The following SATB2 variants were observed in gnomAD, a reference collection of about 807,000 sequenced individuals.
The protein encoded by SATB2 is SATB homeobox 2.
In SATB2, 1 loss-of-function variant was observed where a neutral mutation model predicts 73.4. The observed-to-expected ratio is 0.01, with a 90% CI of 0.00 to 0.06. The LOEUF (loss-of-function observed/expected upper bound fraction) is 0.06, where lower values mean the gene tolerates loss of function less well. SATB2 is among the 10% of genes least tolerant of loss of function. The probability of loss-of-function intolerance (pLI) is 1.00; values close to 1 mark genes in which losing one functional copy is unlikely to be tolerated. For missense variants in SATB2, 459 were observed against 945.8 expected, an observed-to-expected ratio of 0.49 and a Z score of 6.75; for synonymous variants, 397 against 367.0, an observed-to-expected ratio of 1.08 and a Z score of -0.93.
chr2:199,383,363 C>A (rs1689833635), intron 3 of SATB2, among the ~76,000 whole-genome samples: 1 of 152,186 alleles, frequency 6.6e-6, no homozygotes, highest in African/African-American at 2.4e-5. Context: ...ACATCCAGGG[C>A]CCACTGGACA....
At chr2:199,356,265 A>T (rs1688983569) in intron 6 of SATB2, among the ~76,000 whole-genome samples, 2 of 151,396 alleles carry the variant, frequency 1.3e-5, no homozygotes, top group Admixed American at 1.3e-4. Flanking sequence ...AGAAAAGACG[A>T]CGGCAGAATT....
intron 3 of SATB2, among the ~76,000 whole-genome samples, chr2:199,418,537 T>C (rs1475787697): frequency 1.3e-5 from 2 of 152,360 alleles, no homozygotes; most frequent in Non-Finnish European, 2.9e-5. Context: ...ATTAGTTTAT[T>C]AGTTTTATTT....
chr2:199,466,486 C>T (rs74451843), upstream of SATB2, among the ~76,000 whole-genome samples: 465 of 152,304 alleles, frequency 3.1e-3, 3 homozygotes, highest in Non-Finnish European at 5.3e-3. Context: ...TGAGAGAGTA[C>T]TTGTCCTCCC....
intron 3 of SATB2, among the ~76,000 whole-genome samples, chr2:199,402,652 G>C (rs1690518636): frequency 6.6e-6 from 1 of 152,158 alleles, no homozygotes; most frequent in African/African-American, 2.4e-5. Context: ...AGTTTCAAAG[G>C]TACTAATAAT....
intron 5 of SATB2, among the ~76,000 whole-genome samples, chr2:199,375,199 G>C (rs1277081004): frequency 6.6e-6 from 1 of 152,074 alleles, no homozygotes; most frequent in Admixed American, 6.6e-5. Context: ...GCAATCATAA[G>C]GTTTTCAAAT....
At chr2:199,417,036 T>TCTCA (rs1416951890) in intron 3 of SATB2, among the ~76,000 whole-genome samples, 40 of 144,272 alleles carry the variant, frequency 2.8e-4, no homozygotes, top group Non-Finnish European at 3.0e-4. Flanking sequence ...ACTCCGTCTC[T>TCTCA]CACACACACA....
intron 2 of SATB2, among the ~76,000 whole-genome samples, chr2:199,439,667 C>A (rs1262253741): frequency 6.6e-6 from 1 of 152,128 alleles, no homozygotes; most frequent in Non-Finnish European, 1.5e-5. Flanking sequence ...CAACGATTTA[C>A]TTGTTCTATA....
chr2:199,384,040 C>T (rs1689857544), intron 3 of SATB2, among the ~76,000 whole-genome samples: 1 of 152,022 alleles, frequency 6.6e-6, no homozygotes, highest in Non-Finnish European at 1.5e-5. Context: ...GTAAATTATA[C>T]CTCAATTTTT....
chr2:199,350,479 T>A (rs924340454), intron 6 of SATB2, among the ~76,000 whole-genome samples: 1 of 152,180 alleles, frequency 6.6e-6, no homozygotes. Context: ...AAGCACTGAA[T>A]AAAGTCAATG....
chr2:199,415,031 A>G (rs927392225), intron 3 of SATB2, among the ~76,000 whole-genome samples: 1 of 152,180 alleles, frequency 6.6e-6, no homozygotes, highest in South Asian at 2.1e-4. Context: ...AAAATAAAAG[A>G]AGGAAAAGTT....
At chr2:199,445,560 C>T (rs901561264) in intron 2 of SATB2, among the ~76,000 whole-genome samples, 2 of 152,138 alleles carry the variant, frequency 1.3e-5, no homozygotes, top group East Asian at 1.9e-4. Flanking sequence ...GCTGTAAAAA[C>T]GTGCTTAAGG....
intron 3 of SATB2, among the ~76,000 whole-genome samples, chr2:199,408,615 T>C (rs1480294029): frequency 6.8e-6 from 1 of 147,662 alleles, no homozygotes; most frequent in Non-Finnish European, 1.5e-5. Context: ...AACAACTTAA[T>C]ACAACATGAA....
At chr2:199,318,500 C>T (rs1297093957) in intron 9 of SATB2, among the ~76,000 whole-genome samples, 2 of 152,016 alleles carry the variant, frequency 1.3e-5, no homozygotes, top group African/African-American at 4.8e-5. Flanking sequence ...ATGTGTTACA[C>T]AGTTACGATA....
intron 3 of SATB2, among the ~76,000 whole-genome samples, chr2:199,405,979 A>C (rs919155605): frequency 6.6e-6 from 1 of 152,192 alleles, no homozygotes; most frequent in African/African-American, 2.4e-5. Context: ...ATTTTAAGTA[A>C]ATAATAATAA....
chr2:199,397,208 G>A (rs1482964901), intron 3 of SATB2, among the ~76,000 whole-genome samples: 2 of 152,190 alleles, frequency 1.3e-5, no homozygotes, highest in East Asian at 3.9e-4. Flanking sequence ...CTTGAATTTC[G>A]GAAAAGGCTG....
intron 10 of SATB2, among the ~76,000 whole-genome samples, chr2:199,290,844 C>T (rs1165401717): frequency 6.6e-6 from 1 of 152,168 alleles, no homozygotes; most frequent in Non-Finnish European, 1.5e-5. Flanking sequence ...CAGCAGACAG[C>T]TTCCATGACA....
chr2:199,408,019 C>T (rs1259952525), intron 3 of SATB2, among the ~76,000 whole-genome samples: 6 of 152,132 alleles, frequency 3.9e-5, no homozygotes, highest in South Asian at 2.1e-4. Context: ...AGCAAAAATA[C>T]GTGAGAAAGC....
At chr2:199,425,259 C>T (rs1023542615) in intron 3 of SATB2, among the ~76,000 whole-genome samples, 3 of 152,178 alleles carry the variant, frequency 2.0e-5, no homozygotes, top group Non-Finnish European at 4.4e-5. Flanking sequence ...GATCATTTTA[C>T]GTGAATGTCT....
chr2:199,452,958 A>T (rs1006184003), intron 2 of SATB2, among the ~76,000 whole-genome samples: 20 of 152,154 alleles, frequency 1.3e-4, no homozygotes, highest in African/African-American at 4.8e-4. Flanking sequence ...CATAGTAAAC[A>T]ATCCACTTTT....
Sources: gnomAD v4.1 joint callset for allele counts (sites outside exome capture counted in the v4.1 genomes callset) on GRCh38, gnomAD v4.1.1 for gene constraint, MANE v1.5 for transcripts, NCBI Gene and HGNC (gene_info 2026-07-23, HGNC 2026-07-21) for gene names.